The following NR3C1 variants were observed in gnomAD, a reference collection of about 807,000 sequenced individuals.
NR3C1 encodes the protein glucocorticoid receptor.
NR3C1 carries 14 observed loss-of-function variants against 74.0 expected under a neutral mutation model. The ratio of observed to expected loss-of-function variants is 0.19; its 90% CI spans 0.12 to 0.30. The LOEUF is 0.30. NR3C1 is among the 10% of genes least tolerant of loss of function. The probability of loss-of-function intolerance (pLI) is 1.00; values close to 1 mark genes in which losing one functional copy is unlikely to be tolerated. For synonymous variants in NR3C1, 308 were observed against 332.5 expected, an observed-to-expected ratio of 0.93 and a Z score of 0.80; for missense variants, 695 against 909.8, an observed-to-expected ratio of 0.76 and a Z score of 3.04.
chr5:143,393,403 T>G (rs566579839), intron 2 of NR3C1, among the ~76,000 whole-genome samples: 80 of 152,240 alleles, frequency 5.3e-4, no homozygotes, highest in Non-Finnish European at 5.4e-4. Flanking sequence ...AAGAAAGTAT[T>G]TTTGACTCCA....
intron 2 of NR3C1, among the ~76,000 whole-genome samples, chr5:143,382,106 T>C (rs1207772696): frequency 6.6e-6 from 1 of 152,010 alleles, no homozygotes; most frequent in African/African-American, 2.4e-5. Context: ...GGACAAAAGA[T>C]CTGAATAGAC....
Position 143,396,212 on chromosome 5 carries a change from C to T in NR3C1, c.1184+3444G>A, listed in dbSNP as rs908483954. Among the ~76,000 whole-genome samples, 10 of 151,948 alleles carry T rather than the reference C, an allele frequency of 6.6e-5. No individual in the cohort carries two copies. The East Asian group carries it at 1.7e-3, about 26-fold the overall frequency. On this transcript the variant is annotated intron_variant, in intron 2 of 8. Coordinates refer to ENST00000394464, the MANE Select transcript of NR3C1 (RefSeq NM_000176.3). ...CACACTAAAATGACACACCTGAATA[C>T]ACAGTGTGTTTTAAAAACTTTTTTT...
Position 143,400,634 on chromosome 5 carries a change from G to A in NR3C1, c.206C>T (p.Ser69Leu), listed in dbSNP as rs371034256. Reference protein sequence around the residue: ...RRLLVDFPKGSVSNAQQPDLS... With the variant: ...RRLLVDFPKGLVSNAQQPDLS... ...ATCTGGCTGCTGCGCATTGCTTACT[G>A]AGCCTTTTGGAAAATCAACCAAAAG... Residue 69 changes from serine (S) to leucine (L), a missense_variant, in exon 2 of 9, where the codon TCA becomes TTA. Physicochemically the swap from Ser to Leu is moderately radical, Grantham distance 145. Transcript: ENST00000394464. 1.9e-6 allele frequency: 3 copies of A among 1,614,074 alleles called. No homozygotes were observed. The highest frequency in any genetic ancestry group is 2.5e-6 in the Non-Finnish European group (3 of 1,179,920).
At chr5:143,296,581 T>C (rs1322813211) in intron 6 of NR3C1, among the ~76,000 whole-genome samples, 1 of 152,076 alleles carries the variant, frequency 6.6e-6, no homozygotes, top group African/African-American at 2.4e-5. Flanking sequence ...TATAGTGTAG[T>C]AGAATAAGTA....
At chr5:143,297,075 C>CAAAAAAAAAAAA (rs766243522) in intron 6 of NR3C1, among the ~76,000 whole-genome samples, 78 of 60,352 alleles carry the variant, frequency 1.3e-3, no homozygotes, top group East Asian at 2.0e-3. Context: ...AGACTCGTCT[C>CAAAAAAAAAAAA]AAAAAAAAAA....
chr5:143,419,616 AC>A (rs1189667184), intron 1 of NR3C1, among the ~76,000 whole-genome samples: 2 of 152,132 alleles, frequency 1.3e-5, no homozygotes, highest in African/African-American at 4.8e-5. Context: ...TTTATTAGGG[AC>A]TTTCAAAAGG....
At chr5:143,313,893 A>C in intron 3 of NR3C1, 109 bp downstream of exon 3, 2 of 1,174,488 alleles carry the variant, frequency 1.7e-6, no homozygotes, top group Non-Finnish European at 2.5e-6. Context: ...TCCCCTCTTA[A>C]CTGATATTTA....
intron 2 of NR3C1, among the ~76,000 whole-genome samples, chr5:143,374,309 A>G (rs1437006585): frequency 2.6e-5 from 4 of 152,040 alleles, no homozygotes; most frequent in African/African-American, 7.2e-5. Context: ...TGGCTAACAC[A>G]GTGAAACCCC....
intron 7 of NR3C1, among the ~76,000 whole-genome samples, chr5:143,291,276 A>G (rs1815881158): frequency 6.6e-6 from 1 of 151,932 alleles, no homozygotes; most frequent in Non-Finnish European, 1.5e-5. Flanking sequence ...ACTAGGCTGG[A>G]GTGCAGTGGT....
At chr5:143,282,777 CTTT>C (rs371512572) in intron 7 of NR3C1, 52 bp from the exon 8 acceptor site, 2,482 of 1,311,696 alleles carry the variant, frequency 1.9e-3, no homozygotes, top group East Asian at 2.3e-3. Context: ...CTTTTCTTTT[CTTT>C]TTTTTTTTTT....
intron 2 of NR3C1, among the ~76,000 whole-genome samples, chr5:143,369,909 G>A (rs1243556361): frequency 6.6e-6 from 1 of 152,194 alleles, no homozygotes; most frequent in Non-Finnish European, 1.5e-5. Flanking sequence ...AGATCAAAAG[G>A]TGAAGGAGTA....
At chr5:143,376,530 A>AT (rs1323663738) in intron 2 of NR3C1, among the ~76,000 whole-genome samples, 1 of 152,200 alleles carries the variant, frequency 6.6e-6, no homozygotes, top group African/African-American at 2.4e-5. Context: ...TAATGTAACT[A>AT]GTACATGGAC....
intron 3 of NR3C1, among the ~76,000 whole-genome samples, chr5:143,311,101 G>T (rs1820848872): frequency 6.6e-6 from 1 of 152,180 alleles, no homozygotes; most frequent in South Asian, 2.1e-4. Context: ...CCAAATATCT[G>T]TACCAGCTGT....
chr5:143,355,056 G>T (rs931091982), intron 2 of NR3C1, among the ~76,000 whole-genome samples: 1 of 152,084 alleles, frequency 6.6e-6, no homozygotes, highest in Admixed American at 6.6e-5. Flanking sequence ...AGCACAAGCT[G>T]TTGGAAAAAT....
chr5:143,356,699 A>AC (rs1554089011), intron 2 of NR3C1, among the ~76,000 whole-genome samples: 3 of 149,706 alleles, frequency 2.0e-5, no homozygotes, highest in Admixed American at 1.3e-4. Context: ...AAAAAAAAAA[A>AC]CACACGCAAA....
At chr5:143,298,903 T>C in intron 5 of NR3C1, 91 bp from the exon 6 acceptor site, 1 of 1,378,342 alleles carries the variant, frequency 7.3e-7, no homozygotes. Flanking sequence ...CAATTAGCCC[T>C]GTCAAAACAA....
At chr5:143,386,911 C>A (rs1837334121) in intron 2 of NR3C1, among the ~76,000 whole-genome samples, 1 of 152,198 alleles carries the variant, frequency 6.6e-6, no homozygotes, top group Non-Finnish European at 1.5e-5. Flanking sequence ...TGCATATGGG[C>A]TGTGGTACAA....
At chr5:143,382,820 C>T (rs1403741293) in intron 2 of NR3C1, among the ~76,000 whole-genome samples, 1 of 152,202 alleles carries the variant, frequency 6.6e-6, no homozygotes, top group Non-Finnish European at 1.5e-5. Context: ...TGAAGACTGG[C>T]ACCTTTCACT....
chr5:143,424,187 A>G (rs539644809), intron 1 of NR3C1, among the ~76,000 whole-genome samples: 46 of 151,198 alleles, frequency 3.0e-4, no homozygotes, highest in Non-Finnish European at 5.9e-4. Context: ...CATTGTGCAC[A>G]TGTACCCTAA....
Sources: allele counts gnomAD v4.1 joint callset (sites outside exome capture counted in the v4.1 genomes callset), GRCh38; gene constraint gnomAD v4.1.1; transcripts MANE v1.5; gene names NCBI Gene and HGNC (gene_info 2026-07-23, HGNC 2026-07-21).